Variants in CSMD1 observed in about 807,000 individuals in gnomAD.
The protein encoded by CSMD1 is CUB and sushi domain-containing protein 1.
A neutral mutation model predicts 417.5 loss-of-function variants in CSMD1; 213 were observed. The observed-to-expected ratio is 0.51, with a 90% confidence interval of 0.46 to 0.57. The LOEUF is 0.57. Among genes scored for constraint, CSMD1 ranks in the 20% least tolerant of loss-of-function variants. CSMD1 has a pLI of 0.00. For missense variants in CSMD1, 6,923 were observed against 4,529.7 expected (o/e 1.53, Z -15.17); for synonymous variants, 2,862 against 1,736.8 (o/e 1.65, Z -16.11).
chr8:3,078,969 G>GT (rs1429560030), intron 49 of CSMD1, among the ~76,000 whole-genome samples: 2 of 117,918 alleles, frequency 1.7e-5, no homozygotes, highest in Non-Finnish European at 3.7e-5. Context: ...CCTTCAAAAC[G>GT]GGGGGGAGCA....
At chr8:2,959,335 G>T (rs1175655071) in intron 62 of CSMD1, among the ~76,000 whole-genome samples, 1 of 152,150 alleles carries the variant, frequency 6.6e-6, no homozygotes, top group Non-Finnish European at 1.5e-5. Context: ...CTGGCCTCAA[G>T]CGATTCTTCT....
chr8:4,275,142 G>T (rs1469336006), intron 3 of CSMD1, among the ~76,000 whole-genome samples: 1 of 152,110 alleles, frequency 6.6e-6, no homozygotes, highest in Non-Finnish European at 1.5e-5. Flanking sequence ...GTCAATAAAA[G>T]AGTAGCTTTT....
intron 3 of CSMD1, among the ~76,000 whole-genome samples, chr8:4,333,404 TCTC>T (rs1252139905): frequency 1.3e-5 from 2 of 152,060 alleles, no homozygotes; most frequent in African/African-American, 4.8e-5. Context: ...TGAATTTCTG[TCTC>T]CTCAACTACC....
intron 1 of CSMD1, among the ~76,000 whole-genome samples, chr8:4,649,774 A>G (rs1016850526): frequency 6.6e-6 from 1 of 152,260 alleles, no homozygotes; most frequent in African/African-American, 2.4e-5. Flanking sequence ...TTCAGAAACT[A>G]ATAATGATGT....
chr8:3,221,409 T>C (rs1400337808), intron 28 of CSMD1, among the ~76,000 whole-genome samples: 4 of 152,212 alleles, frequency 2.6e-5, no homozygotes, highest in Admixed American at 6.5e-5. Context: ...ATAATAATTG[T>C]ATTTAGAGTA....
chr8:2,998,257 G>C (rs933930452), intron 53 of CSMD1, 73 bp from the exon 54 acceptor site: 86 of 1,469,920 alleles, frequency 5.9e-5, no homozygotes, highest in Non-Finnish European at 7.9e-5. Flanking sequence ...TTATTAATAA[G>C]AAACATGCAG....
intron 1 of CSMD1, among the ~76,000 whole-genome samples, chr8:4,977,010 A>G (rs1274036990): frequency 6.6e-6 from 1 of 152,134 alleles, no homozygotes; most frequent in East Asian, 1.9e-4. Context: ...TCCCATGTGT[A>G]CTCGAACTGA....
intron 1 of CSMD1, among the ~76,000 whole-genome samples, chr8:4,643,437 C>A (rs1479560122): frequency 6.6e-6 from 1 of 152,116 alleles, no homozygotes; most frequent in Non-Finnish European, 1.5e-5. Context: ...CTATTGTATA[C>A]CTGTTGGCTT....
intron 8 of CSMD1, among the ~76,000 whole-genome samples, chr8:3,593,111 C>T (rs370074024): frequency 1.3e-4 from 20 of 152,328 alleles, no homozygotes; most frequent in Admixed American, 5.2e-4. Context: ...GGTCTGGCTA[C>T]CGCCAGAACT....
At chr8:4,524,162 G>T (rs962445541) in intron 2 of CSMD1, among the ~76,000 whole-genome samples, 1 of 151,776 alleles carries the variant, frequency 6.6e-6, no homozygotes, top group African/African-American at 2.4e-5. Flanking sequence ...ATATTTGTAT[G>T]TATAAAGAAA....
At chr8:4,467,588 C>G (rs1406219704) in intron 2 of CSMD1, among the ~76,000 whole-genome samples, 1 of 152,152 alleles carries the variant, frequency 6.6e-6, no homozygotes, top group Non-Finnish European at 1.5e-5. Context: ...TATTTTCTCC[C>G]TTTTCAAGAG....
At chr8:4,441,420 T>C (rs1393722465) in intron 2 of CSMD1, among the ~76,000 whole-genome samples, 1 of 151,810 alleles carries the variant, frequency 6.6e-6, no homozygotes. Flanking sequence ...GCCCCAGAAG[T>C]CATCTTTAAG....
Position 4,857,953 on chromosome 8 carries a change from C to G in CSMD1, c.85+136379G>C, listed in dbSNP as rs556596379. 2.7e-3 allele frequency among the ~76,000 whole-genome samples: 407 copies of G among 152,102 alleles called. 3 individuals carry two copies. The highest frequency in any genetic ancestry group is 2.9e-3 in the Non-Finnish European group (195 of 67,990). On this transcript the variant is annotated intron_variant, in intron 1 of 69. Transcript: ENST00000635120. ...TTCTGATACCAAAGCCAGGCAGAGA[C>G]ACAACCAAAAAAGAGAATTTTAGAC... is the stretch of plus-strand genomic sequence containing the variant.
intron 3 of CSMD1, among the ~76,000 whole-genome samples, chr8:4,386,397 C>G (rs1013086628): frequency 6.6e-5 from 10 of 152,038 alleles, no homozygotes; most frequent in African/African-American, 2.4e-4. Context: ...AGTTCCATCC[C>G]CGGTTATGAC....
In CSMD1 at chr8:3,428,213, A is replaced by T. The variant is rs188805919; in HGVS notation, c.1562-18608T>A. 9.2e-5 allele frequency among the ~76,000 whole-genome samples: 14 copies of T among 152,242 alleles called. 1 individual carries two copies. Among genetic ancestry groups the T allele is most frequent in the Admixed American group, 9.2e-4 (14 of 15,286 alleles). ...AGTGATATGTGAGCTACGTAGAATG[A>T]ATTTCCTTGACTGTTAAACACTCGA... On this transcript the variant is annotated intron_variant, in intron 12 of 69. Transcript: ENST00000635120.
chr8:4,434,848 G>A (rs1018392238), intron 2 of CSMD1, among the ~76,000 whole-genome samples: 3 of 152,072 alleles, frequency 2.0e-5, no homozygotes, highest in Non-Finnish European at 2.9e-5. Context: ...CTGTCTCCTG[G>A]GCAACCGCAA....
At chr8:3,250,050 A>G (rs1001392203) in intron 26 of CSMD1, among the ~76,000 whole-genome samples, 3 of 152,190 alleles carry the variant, frequency 2.0e-5, no homozygotes, top group Admixed American at 1.3e-4. Flanking sequence ...GACCAAGTAC[A>G]TATTTTTGTT....
chr8:3,575,461 A>G (rs1800112434), intron 9 of CSMD1, among the ~76,000 whole-genome samples: 1 of 152,192 alleles, frequency 6.6e-6, no homozygotes, highest in African/African-American at 2.4e-5. Flanking sequence ...CGACTGCAGT[A>G]AGATAGAGGG....
chr8:3,402,095 T>C (rs764742561), intron 15 of CSMD1, among the ~76,000 whole-genome samples: 12 of 152,102 alleles, frequency 7.9e-5, no homozygotes, highest in Non-Finnish European at 1.3e-4. Context: ...AACAATCTCA[T>C]TGGGGTTACA....
Sources: allele counts gnomAD v4.1 joint callset (sites outside exome capture counted in the v4.1 genomes callset), GRCh38; gene constraint gnomAD v4.1.1; transcripts MANE v1.5; gene names NCBI Gene and HGNC (gene_info 2026-07-23, HGNC 2026-07-21).